The following PXDNL variants were observed in gnomAD, a reference collection of about 807,000 sequenced individuals.
The protein encoded by PXDNL is peroxidasin like.
Under a neutral mutation model 150.8 loss-of-function variants are expected in PXDNL, and 145 were observed. The observed-to-expected ratio is 0.96, with a 90% CI of 0.84 to 1.10. The LOEUF (loss-of-function observed/expected upper bound fraction) is 1.10, where lower values mean the gene tolerates loss of function less well. Ranked by LOEUF, PXDNL falls within the 50% of genes least tolerant of loss-of-function variation. The pLI is 0.00. For missense variants in PXDNL, 2,087 were observed against 1,873.9 expected, an observed-to-expected ratio of 1.11 and a Z score of -2.10; for synonymous variants, 757 against 725.7, an observed-to-expected ratio of 1.04 and a Z score of -0.69.
chr8:51,666,215 C>T (rs192186265), intron 1 of PXDNL, among the ~76,000 whole-genome samples: 3 of 152,246 alleles, frequency 2.0e-5, no homozygotes, highest in Non-Finnish European at 4.4e-5. Context: ...TGTTAGCTCC[C>T]TTCCTTTTTA....
At chr8:51,498,671 C>T (rs919942674) in intron 5 of PXDNL, among the ~76,000 whole-genome samples, 9 of 152,098 alleles carry the variant, frequency 5.9e-5, no homozygotes, top group Non-Finnish European at 1.0e-4. Context: ...GTAATTACCA[C>T]CCAGGAAAAA....
At chr8:51,415,376 G>A (rs917430590) in intron 14 of PXDNL, among the ~76,000 whole-genome samples, 1 of 152,180 alleles carries the variant, frequency 6.6e-6, no homozygotes, top group African/African-American at 2.4e-5. Flanking sequence ...GAGGCCTTAG[G>A]AAGCTTACAG....
chr8:51,793,247 TAACAAC>T (rs1362803370), intron 1 of PXDNL, among the ~76,000 whole-genome samples: 1 of 151,970 alleles, frequency 6.6e-6, no homozygotes, highest in African/African-American at 2.4e-5. Flanking sequence ...GTCTGACTGT[TAACAAC>T]AAACAAGCAA....
chr8:51,526,529 AT>A (rs1362516357), intron 4 of PXDNL, among the ~76,000 whole-genome samples: 1 of 152,150 alleles, frequency 6.6e-6, no homozygotes, highest in Non-Finnish European at 1.5e-5. Flanking sequence ...CATTTGGGGT[AT>A]AAAAGCTAAG....
At chr8:51,457,373 C>T (rs1032202344) in intron 9 of PXDNL, 125 bp downstream of exon 9, 1 of 817,196 alleles carries the variant, frequency 1.2e-6, no homozygotes, top group Non-Finnish European at 1.8e-6. Flanking sequence ...TTCTCTAAAA[C>T]AAAATTTAAA....
chr8:51,441,864 C>T (rs1348933937), intron 12 of PXDNL, among the ~76,000 whole-genome samples: 1 of 152,148 alleles, frequency 6.6e-6, no homozygotes, highest in Admixed American at 6.5e-5. Flanking sequence ...TGTCCCACAT[C>T]AGGGAATAGA....
chr8:51,692,683 C>T (rs1276330382), intron 1 of PXDNL, among the ~76,000 whole-genome samples: 1 of 152,132 alleles, frequency 6.6e-6, no homozygotes, highest in East Asian at 1.9e-4. Context: ...ATGCCAACAC[C>T]GTAATTCTAA....
chr8:51,449,888 T>C (rs1311575108), intron 10 of PXDNL, among the ~76,000 whole-genome samples: 4 of 152,164 alleles, frequency 2.6e-5, no homozygotes, highest in Non-Finnish European at 5.9e-5. Context: ...AAAAAGAATA[T>C]GAGGCAAATC....
rs139570619 is a variant in PXDNL at position 51,580,992 on chromosome 8, A to G, written c.308+11635T>C. ...TCTCCCTCTCTTTTCGCAAACCTGA[A>G]AAGGATTCTCTCACTATGGACCTTA... On this transcript the variant is annotated intron_variant, in intron 3 of 22. Coordinates refer to ENST00000356297, the MANE Select transcript of PXDNL (RefSeq NM_144651.5). 2.4e-3 allele frequency among the ~76,000 whole-genome samples: 370 copies of G among 152,266 alleles called. 3 individuals are homozygous for G. Among genetic ancestry groups the G allele is most frequent in the African/African-American group, 8.3e-3 (345 of 41,570 alleles).
intron 2 of PXDNL, among the ~76,000 whole-genome samples, chr8:51,637,077 A>C (rs1450939840): frequency 6.6e-6 from 1 of 152,190 alleles, no homozygotes; most frequent in Non-Finnish European, 1.5e-5. Context: ...TTCCCAGGCA[A>C]ACAGGGTCTG....
At chr8:51,493,640 GC>G (rs1810957524) in intron 5 of PXDNL, among the ~76,000 whole-genome samples, 1 of 152,314 alleles carries the variant, frequency 6.6e-6, no homozygotes, top group Admixed American at 6.5e-5. Context: ...GAATGCACAA[GC>G]CTCAGTAGCC....
At chr8:51,416,446 G>A (rs1444463023) in intron 14 of PXDNL, among the ~76,000 whole-genome samples, 7 of 152,146 alleles carry the variant, frequency 4.6e-5, no homozygotes, top group Non-Finnish European at 8.8e-5. Context: ...ACAAGCATAG[G>A]GATTTTGCAG....
intron 5 of PXDNL, among the ~76,000 whole-genome samples, chr8:51,498,407 T>C (rs922428648): frequency 1.3e-5 from 2 of 151,672 alleles, no homozygotes; most frequent in Admixed American, 1.3e-4. Flanking sequence ...GTTGTACACA[T>C]GTACCCTAAA....
intron 1 of PXDNL, among the ~76,000 whole-genome samples, chr8:51,787,330 G>A (rs1276597804): frequency 6.6e-6 from 1 of 152,148 alleles, no homozygotes; most frequent in Non-Finnish European, 1.5e-5. Context: ...TGAATCCTCT[G>A]ATAGATCTAG....
chr8:51,426,885 T>C lies in PXDNL; in HGVS notation c.1526-127A>G, dbSNP rs547497741. 3.4e-5 allele frequency: 20 copies of C among 585,896 alleles called. No homozygotes were observed. In the South Asian group the frequency reaches 4.1e-4, roughly 12 times the overall value. The allele number at this position is 585,896 out of a possible 1,614,324, so 36.3% of individuals were successfully genotyped here. On this transcript the variant is annotated intron_variant, in intron 12 of 22. Coordinates refer to ENST00000356297, the MANE Select transcript of PXDNL (RefSeq NM_144651.5). The stretch of plus-strand genomic sequence containing the variant: ...GCACACTAGTTTTTTAAAAATCAAT[T>C]ACTTGGACGTCTAGGGGAATAACAA...
intron 12 of PXDNL, among the ~76,000 whole-genome samples, chr8:51,438,993 A>T (rs981421668): frequency 8.5e-5 from 13 of 152,136 alleles, no homozygotes; most frequent in African/African-American, 3.1e-4. Context: ...ATCGGGAAAA[A>T]CCCTTCTAGA....
At chr8:51,785,355 T>A (rs1308638973) in intron 1 of PXDNL, among the ~76,000 whole-genome samples, 1 of 152,226 alleles carries the variant, frequency 6.6e-6, no homozygotes, top group Non-Finnish European at 1.5e-5. Context: ...ATTATTACGA[T>A]GATTCATACA....
chr8:51,750,661 A>C (rs1485578806), intron 1 of PXDNL, among the ~76,000 whole-genome samples: 1 of 152,226 alleles, frequency 6.6e-6, no homozygotes, highest in Non-Finnish European at 1.5e-5. Flanking sequence ...CTTTAGTTCC[A>C]GATGGCAGGA....
chr8:51,707,538 G>A (rs1816407175), intron 1 of PXDNL, among the ~76,000 whole-genome samples: 1 of 152,154 alleles, frequency 6.6e-6, no homozygotes, highest in African/African-American at 2.4e-5. Flanking sequence ...CACTTAACAT[G>A]AGATCTATCA....
Sources: gnomAD v4.1 joint callset for allele counts (sites outside exome capture counted in the v4.1 genomes callset) on GRCh38, gnomAD v4.1.1 for gene constraint, MANE v1.5 for transcripts, NCBI Gene and HGNC (gene_info 2026-07-23, HGNC 2026-07-21) for gene names.